BFSP1: variants seen among roughly 807,000 people sequenced by gnomAD.
BFSP1 encodes filensin.
Under a neutral mutation model 43.9 loss-of-function variants are expected in BFSP1, and 38 were observed. The observed-to-expected ratio is 0.87, with a 90% CI of 0.67 to 1.14. The LOEUF is 1.14. Among genes scored for constraint, BFSP1 ranks in the 50% most tolerant of loss-of-function variants. The pLI is 0.00. For synonymous variants in BFSP1, 352 were observed against 354.8 expected (o/e 0.99, Z 0.09); for missense variants, 850 against 875.1 (o/e 0.97, Z 0.36).
At chr20:17,509,067 C>A in intron 4 of BFSP1, 71 bp from the exon 5 acceptor site, 1 of 1,162,270 alleles carries the variant, frequency 8.6e-7, no homozygotes, top group Non-Finnish European at 1.2e-6. Context: ...GGTGCGGGGC[C>A]CTGGTATGGA....
chr20:17,555,031 G>C (rs1247192008), intron 1 of BFSP1, among the ~76,000 whole-genome samples: 1 of 152,114 alleles, frequency 6.6e-6, no homozygotes, highest in Admixed American at 6.6e-5. Context: ...AGGTGCAGTG[G>C]CTCATGCCTG....
upstream of BFSP1, among the ~76,000 whole-genome samples, chr20:17,559,738 G>A (rs1044527646): frequency 2.2e-4 from 33 of 152,068 alleles, no homozygotes; most frequent in African/African-American, 7.0e-4. Flanking sequence ...TAGGTTGCAC[G>A]CTCCTTGTGA....
intron 2 of BFSP1, among the ~76,000 whole-genome samples, chr20:17,520,969 AT>A (rs1272835080): frequency 2.6e-5 from 4 of 152,360 alleles, no homozygotes; most frequent in Middle Eastern, 3.4e-3. Context: ...AAGTGAAAGC[AT>A]TTGACTAGAA....
chr20:17,497,441 CGT>C (rs199568214), intron 6 of BFSP1, among the ~76,000 whole-genome samples: 18,160 of 69,978 alleles, frequency 0.26, 1,138 homozygotes, highest in African/African-American at 0.36. Context: ...TGTATATATA[CGT>C]GTATGTATAT....
intron 1 of BFSP1, chr20:17,541,282 A>C (rs1243822099): frequency 4.0e-5 from 39 of 982,674 alleles, no homozygotes; most frequent in Non-Finnish European, 4.6e-5. Flanking sequence ...GAGGTTTGTC[A>C]TGAAACTCTT....
intron 1 of BFSP1, among the ~76,000 whole-genome samples, chr20:17,547,228 T>C (rs1201367545): frequency 2.6e-5 from 4 of 151,772 alleles, no homozygotes; most frequent in Non-Finnish European, 5.9e-5. Context: ...AATATATATA[T>C]GAGGGAGGAA....
intron 5 of BFSP1, among the ~76,000 whole-genome samples, 166 bp from the exon 6 acceptor site, chr20:17,499,206 A>C (rs1488554568): frequency 1.3e-5 from 2 of 151,486 alleles, no homozygotes; most frequent in Non-Finnish European, 1.5e-5. Flanking sequence ...TAAGCTAAAA[A>C]GCAATGTGAA....
intron 1 of BFSP1, among the ~76,000 whole-genome samples, chr20:17,550,569 A>G (rs1002129376): frequency 1.3e-5 from 2 of 149,326 alleles, no homozygotes; most frequent in African/African-American, 5.0e-5. Context: ...GGTTCAAGCT[A>G]TTCTCCTGCC....
At chr20:17,524,816 G>A (rs1222242468) in intron 2 of BFSP1, 32 bp downstream of exon 2, 11 of 1,604,320 alleles carry the variant, frequency 6.9e-6, no homozygotes, top group Non-Finnish European at 9.4e-6. Context: ...CTGTAATTAA[G>A]CTACGTAAAC....
intron 2 of BFSP1, among the ~76,000 whole-genome samples, chr20:17,519,040 G>C (rs2123503687): frequency 6.6e-6 from 1 of 152,238 alleles, no homozygotes; most frequent in East Asian, 1.9e-4. Context: ...CAGAGGTGCA[G>C]GAGTATTGGG....
At chr20:17,496,139 G>A (rs758494806) in intron 7 of BFSP1, among the ~76,000 whole-genome samples, 8 of 152,208 alleles carry the variant, frequency 5.3e-5, no homozygotes, top group East Asian at 1.9e-4. Context: ...AGCTGGGACC[G>A]TTCTGAGAGC....
At chr20:17,535,626 A>G (rs187587862), upstream of BFSP1, among the ~76,000 whole-genome samples, 379 of 151,902 alleles carry the variant, frequency 2.5e-3, 3 homozygotes, top group African/African-American at 8.8e-3. Flanking sequence ...ACATGTATAA[A>G]TATAAACATA....
intron 1 of BFSP1, among the ~76,000 whole-genome samples, chr20:17,553,266 G>T (rs557025707): frequency 4.0e-4 from 61 of 152,180 alleles, no homozygotes; most frequent in African/African-American, 1.4e-3. Context: ...ACGTTCCATG[G>T]TCATATGAGT....
intron 1 of BFSP1, among the ~76,000 whole-genome samples, chr20:17,548,634 C>T (rs2034846186): frequency 6.6e-6 from 1 of 152,176 alleles, no homozygotes; most frequent in Non-Finnish European, 1.5e-5. Flanking sequence ...CAGTCTTCTC[C>T]AAGGGGCTTT....
At chr20:17,497,074 G>A (rs184195607) in intron 6 of BFSP1, 51 bp from the exon 7 acceptor site, 8 of 1,376,522 alleles carry the variant, frequency 5.8e-6, no homozygotes, top group Non-Finnish European at 6.8e-6. Context: ...AGGGGCAAGA[G>A]CGACTCTCGT....
chr20:17,500,019 C>CAA (rs11484130), intron 5 of BFSP1, among the ~76,000 whole-genome samples: 1 of 152,042 alleles, frequency 6.6e-6, no homozygotes, highest in Non-Finnish European at 1.5e-5. Flanking sequence ...AATCTGATAG[C>CAA]AAAAAAATAA....
intron 1 of BFSP1, among the ~76,000 whole-genome samples, chr20:17,553,354 A>T (rs2034925916): frequency 6.6e-6 from 1 of 152,188 alleles, no homozygotes; most frequent in African/African-American, 2.4e-5. Context: ...ACTAAAATCC[A>T]TGGAATAAAA....
intron 1 of BFSP1, among the ~76,000 whole-genome samples, chr20:17,538,430 G>C (rs968763337): frequency 1.3e-5 from 2 of 152,136 alleles, no homozygotes; most frequent in South Asian, 4.1e-4. Context: ...AAAAGAAAAA[G>C]TTACCTCTCA....
At position 17,507,632 on chromosome 20, in the gene BFSP1, C is replaced by A. The variant is rs1051908257; in HGVS notation, c.735+1257G>T. 2.0e-5 allele frequency among the ~76,000 whole-genome samples: 3 copies of A among 151,882 alleles called. No homozygotes were observed. Among genetic ancestry groups the A allele is most frequent in the Non-Finnish European group, 2.9e-5 (2 of 67,954 alleles). On this transcript the variant is annotated intron_variant, in intron 5 of 7. Transcript: ENST00000377873. The surrounding 1 kb of genome is among the most constrained non-coding windows in gnomAD (Gnocchi z 4.4). The stretch of plus-strand genomic sequence containing the variant: ...ACACATCCCACATATATCACACATA[C>A]CATGTATATCACACACACACACCCC...
Sources: allele counts gnomAD v4.1 joint callset (sites outside exome capture counted in the v4.1 genomes callset), GRCh38; gene constraint gnomAD v4.1.1; non-coding constraint Gnocchi (gnomAD v3.1); transcripts MANE v1.5; gene names NCBI Gene and HGNC (gene_info 2026-07-23, HGNC 2026-07-21).